PKD1: variants seen among roughly 807,000 people sequenced by gnomAD.
The protein encoded by PKD1 is polycystin-1.
PKD1 carries 81 observed loss-of-function variants against 361.7 expected under a neutral mutation model. The ratio of observed to expected loss-of-function variants is 0.22; its 90% CI spans 0.19 to 0.27. The LOEUF is 0.27. PKD1 is among the 10% of genes least tolerant of loss of function. The pLI is 1.00. For missense variants in PKD1, 6,399 were observed against 6,118.3 expected (o/e 1.05, Z -1.53); for synonymous variants, 3,615 against 2,818.3 (o/e 1.28, Z -8.95).
chr16:2,091,161 A>T lies in PKD1; in HGVS notation c.11726T>A (p.Leu3909Gln). Reference sequence around the variant, plus strand: ...GGCCACGGCGAAGTGCACGGCGAACAGCAGCAGGCACACCTGTGGGGGGCG... The same window carrying T: ...GGCCACGGCGAAGTGCACGGCGAACTGCAGCAGGCACACCTGTGGGGGGCG... ...LPLLTSVCLL[L>Q]FAVHFAVAEA... The change falls in exon 43 of 46, where the codon CTG (leucine) becomes CAG (glutamine). Residue 3909 changes from leucine (L) to glutamine (Q), a missense_variant. Physicochemically the swap from Leu to Gln is moderately radical, Grantham distance 113 (BLOSUM62 -2). Transcript: ENST00000262304. 1 of 1,460,248 alleles carries T rather than the reference A, an allele frequency of 6.8e-7. No homozygotes were observed. The highest frequency in any genetic ancestry group is 9.0e-7 in the Non-Finnish European group (1 of 1,113,968). The allele number at this position is 1,460,248 out of a possible 1,614,324, so 90.5% of individuals were successfully genotyped here.
At position 2,105,892 on chromosome 16, in the gene PKD1, C is replaced by T. The variant is rs1305479921; in HGVS notation, c.7836G>A (p.Ser2612=). The part of the protein sequence containing the change: ...QADPQHVIEY[S]LALVTVLNEY... ...CGTTCAGCACGGTGACCAGGGCCAA[C>T]GAGTACTCGATGACGTGCTGGGGAT... The change falls in exon 20 of 46, where the codon TCG becomes TCA. Residue 2612 remains serine (S), a synonymous_variant. Transcript: ENST00000262304. 1.7e-5 allele frequency: 27 copies of T among 1,596,228 alleles called. No individual in the cohort carries two copies. The highest frequency in any genetic ancestry group is 3.3e-5 in the South Asian group (3 of 90,996).
intron 13 of PKD1, 46 bp downstream of exon 13, chr16:2,112,742 G>A (rs1224777529): frequency 1.3e-6 from 2 of 1,577,046 alleles, no homozygotes; most frequent in Non-Finnish European, 1.7e-6. Context: ...CTGGGGCTGG[G>A]ACAAGAGCCT....
rs182528637 is a variant in PKD1 at position 2,101,046 on chromosome 16, C to T, written c.9398-480G>A. Among the ~76,000 whole-genome samples the T allele has an allele frequency of 3.9e-3, 589 of 151,852 alleles. 2 individuals are homozygous for T. The highest frequency in any genetic ancestry group is 6.0e-3 in the Non-Finnish European group (411 of 67,954). On this transcript the variant is annotated intron_variant, in intron 26 of 45. Transcript: ENST00000262304. ...TGTCACCCAGGCTGGAGTGCAGTGGCGCAATCTCAGCTCACTGCAAGCTCC... is the reference window on the plus strand; with the variant it reads ...TGTCACCCAGGCTGGAGTGCAGTGGTGCAATCTCAGCTCACTGCAAGCTCC...
intron 1 of PKD1, among the ~76,000 whole-genome samples, chr16:2,128,975 T>C (rs964698995): frequency 1.3e-5 from 2 of 152,040 alleles, no homozygotes; most frequent in African/African-American, 2.4e-5. Context: ...GTGATTCTCC[T>C]GCCTCAGCCT....
chr16:2,112,611 T>C, intron 13 of PKD1, 138 bp from the exon 14 acceptor site: 1 of 981,568 alleles, frequency 1.0e-6, no homozygotes, highest in East Asian at 2.6e-5. Context: ...CCGGCTGTGC[T>C]GAGGCCTCTC....
At position 2,108,818 on chromosome 16, in the gene PKD1, G is replaced by A; in HGVS notation, c.6349C>T (p.Pro2117Ser). Residue 2117 changes from proline to serine, a missense_variant, in exon 15 of 46, where the codon CCT (proline) becomes TCT (serine). Pro to Ser is a moderately conservative substitution (Grantham distance 74). Coordinates refer to ENST00000262304, the MANE Select transcript of PKD1 (RefSeq NM_001009944.3). ...EPRAEHSYLR[P>S]GDYRVQVNAS... ...TTCACCTGCACGCGGTAGTCCCCAGGCCTCAGGTAGGAGTGCTCGGCCCTG... is the reference window on the plus strand; with the variant it reads ...TTCACCTGCACGCGGTAGTCCCCAGACCTCAGGTAGGAGTGCTCGGCCCTG... 1 of 1,569,300 alleles carries A rather than the reference G, an allele frequency of 6.4e-7. No homozygotes were observed. The highest frequency in any genetic ancestry group is 8.6e-7 in the Non-Finnish European group (1 of 1,158,418).
At position 2,114,499 on chromosome 16, in the gene PKD1, C is replaced by T. The variant is rs542875543; in HGVS notation, c.2524G>A (p.Gly842Ser). Residue 842 changes from glycine to serine, a missense_variant, in exon 11 of 46, where the codon GGC (glycine) becomes AGC (serine). By Grantham distance (56) the Gly-to-Ser change is moderately conservative. Coordinates refer to ENST00000262304, the MANE Select transcript of PKD1 (RefSeq NM_001009944.3). ...TCCACCTGGAGCACCAAGGCTGAGCCGTTGGTGGGCACGTAGAGGCGGCCG... is the reference window on the plus strand; with the variant it reads ...TCCACCTGGAGCACCAAGGCTGAGCTGTTGGTGGGCACGTAGAGGCGGCCG... ...RDGRLYVPTN[G>S]SALVLQVDSG... 113 of 1,596,248 alleles carry T rather than the reference C, an allele frequency of 7.1e-5. No individual in the cohort carries two copies. The Admixed American group carries it at 1.6e-3, about 23-fold the overall frequency.
intron 37 of PKD1, 41 bp from the exon 38 acceptor site, chr16:2,093,134 C>A: frequency 6.2e-7 from 1 of 1,610,054 alleles, no homozygotes; most frequent in South Asian, 1.1e-5. Context: ...TGGCCCCAGC[C>A]CACAGTGACA....
chr16:2,104,279 T>C (rs1212551480), intron 22 of PKD1, among the ~76,000 whole-genome samples: 10 of 37,540 alleles, frequency 2.7e-4, no homozygotes, highest in Non-Finnish European at 3.9e-4. Context: ...GGGGGGGAAA[T>C]GGAGAAAAGG....
At chr16:2,123,654 G>C (rs953951545) in intron 1 of PKD1, 1 of 414,014 alleles carries the variant, frequency 2.4e-6, no homozygotes, top group African/African-American at 2.0e-5. Flanking sequence ...TTCCCTGCAA[G>C]GATGGGGGAC....
rs1567211676 is a variant in PKD1, at chr16:2,114,888, C to G, written c.2135G>C (p.Gly712Ala). The G allele has an allele frequency of 6.5e-7, 1 of 1,531,680 alleles. No homozygotes were observed. The highest frequency in any genetic ancestry group is 8.7e-7 in the Non-Finnish European group (1 of 1,143,078). 94.9% of individuals were successfully genotyped at this position (1,531,680 alleles called of 1,614,324 possible). A position where few individuals can be genotyped will look rare whatever the true frequency, so the allele number is the denominator to read the frequency against. The change falls in exon 11 of 46, where the codon GGT (glycine) becomes GCT (alanine). Residue 712 changes from glycine to alanine, a missense_variant. Physicochemically the swap from Gly to Ala is moderately conservative, Grantham distance 60. Transcript: ENST00000262304. The part of the protein sequence containing the change: ...LHGQDVLMLP[G>A]DLVGLQHDAG... The stretch of plus-strand genomic sequence containing the variant: ...GTCGTGCTGCAAGCCAACGAGGTCA[C>G]CAGGGAGCATGAGGACATCCTGGCC...
intron 1 of PKD1, chr16:2,119,840 T>C (rs2092692729): frequency 1.4e-6 from 1 of 698,936 alleles, no homozygotes; most frequent in African/African-American, 1.8e-5. Context: ...TATGACTGTG[T>C]GAGAAGCAGG....
Position 2,103,303 on chromosome 16 carries a change from G to T in PKD1, c.8754C>A (p.Ala2918=). ...TATAGTTGAGCTGCAGATGCAGCCC[G>T]GCCGCAGGGTTGCTGCTGTCCAGGG... ...VVTLDSSNPA[A]GLHLQLNYTL... is the part of the protein sequence containing the mutation. The change falls in exon 23 of 46, where the codon GCC becomes GCA. Residue 2918 remains alanine (A), a synonymous_variant. Transcript: ENST00000262304. 6.2e-7 allele frequency: 1 copy of T among 1,609,042 alleles called. No homozygotes were observed. The highest frequency in any genetic ancestry group is 8.5e-7 in the Non-Finnish European group (1 of 1,179,654).
At position 2,112,865 on chromosome 16, in the gene PKD1, C is replaced by G; in HGVS notation, c.3084G>C (p.Pro1028=). ...RMQGLQVSTV[P]AVLSPNATLA... is the part of the protein sequence containing the mutation. Reference sequence around the variant, plus strand: ...GCGTGGCATTGGGGGACAGCACGGCCGGCACTGTGGAGACCTGCAGACCCT... The same window carrying G: ...GCGTGGCATTGGGGGACAGCACGGCGGGCACTGTGGAGACCTGCAGACCCT... The change falls in exon 13 of 46, where the codon CCG becomes CCC. Residue 1028 remains proline, a synonymous_variant. Coordinates refer to ENST00000262304, the MANE Select transcript of PKD1 (RefSeq NM_001009944.3). 6.2e-7 allele frequency: 1 copy of G among 1,606,450 alleles called. No individual in the cohort carries two copies. The highest frequency in any genetic ancestry group is 8.5e-7 in the Non-Finnish European group (1 of 1,179,678).
chr16:2,112,419 G>A lies in PKD1; in HGVS notation c.3216C>T (p.Asn1072=), dbSNP rs755950661. The change falls in exon 14 of 46, where the codon AAC becomes AAT. Residue 1072 remains asparagine (N), a synonymous_variant. Coordinates refer to ENST00000262304, the MANE Select transcript of PKD1 (RefSeq NM_001009944.3). ...QALHQFQPPY[N]ESFPVPDPSV... Reference sequence around the variant, plus strand: ...AGGGGTCTGGAACCGGGAAGGACTCGTTGTACGGAGGCTGGAACTGGTGGA... The same window carrying A: ...AGGGGTCTGGAACCGGGAAGGACTCATTGTACGGAGGCTGGAACTGGTGGA... 15 of 1,583,836 alleles carry A rather than the reference G, an allele frequency of 9.5e-6. No homozygotes were observed. Among genetic ancestry groups the A allele is most frequent in the Admixed American group, 1.7e-5 (1 of 59,222 alleles).
At chr16:2,126,184 G>A (rs1013549794) in intron 1 of PKD1, among the ~76,000 whole-genome samples, 9 of 152,242 alleles carry the variant, frequency 5.9e-5, no homozygotes, top group Admixed American at 1.3e-4. Flanking sequence ...CACAGTGGAC[G>A]GGCTCAGAAC....
chr16:2,132,182 G>A (rs1270566160), intron 1 of PKD1, among the ~76,000 whole-genome samples: 6 of 151,758 alleles, frequency 4.0e-5, no homozygotes, highest in Non-Finnish European at 7.4e-5. Flanking sequence ...CCCGGGAGGC[G>A]GAGGTTGCCG....
At position 2,091,021 on chromosome 16, in the gene PKD1, G is replaced by A. The variant is rs1180666641; in HGVS notation, c.11866C>T (p.Leu3956=). The A allele has an allele frequency of 4.6e-6, 7 of 1,532,478 alleles. No individual in the cohort carries two copies. Among genetic ancestry groups the A allele is most frequent in the African/African-American group, 1.4e-5 (1 of 72,868 alleles). The allele number at this position is 1,532,478 out of a possible 1,614,324, so 94.9% of individuals were successfully genotyped here. The change falls in exon 43 of 46, where the codon CTG becomes TTG. Residue 3956 remains leucine, a synonymous_variant. Transcript: ENST00000262304. The part of the protein sequence containing the change: ...AATALVRLAQ[L]GAADRQWTRF... The stretch of plus-strand genomic sequence containing the variant: ...GTCCACTGGCGGTCAGCGGCACCCA[G>A]CTGGGCGAGGCGTACCAGTGCCGTG...
chr16:2,108,896 C>A lies in PKD1; in HGVS notation c.6271G>T (p.Ala2091Ser), dbSNP rs1449648091. Reference sequence around the variant, plus strand: ...CCATCCCCAAAGTCCCAGTGGTAGGCCACACGCCGGGGGCTGGGGCTGGTG... The same window carrying A: ...CCATCCCCAAAGTCCCAGTGGTAGGACACACGCCGGGGGCTGGGGCTGGTG... Reference protein sequence around the residue: ...AATSPSPRRVAYHWDFGDGSP... With the variant: ...AATSPSPRRVSYHWDFGDGSP... The change falls in exon 15 of 46, where the codon GCC becomes TCC. Residue 2091 changes from alanine to serine, a missense_variant. Ala to Ser is a moderately conservative substitution (Grantham distance 99, BLOSUM62 1). Coordinates refer to ENST00000262304, the MANE Select transcript of PKD1 (RefSeq NM_001009944.3). 1.1e-5 allele frequency: 18 copies of A among 1,580,966 alleles called. No individual in the cohort carries two copies. In the African/African-American group the frequency reaches 1.8e-4, roughly 15 times the overall value.
Sources: gnomAD v4.1 joint callset for allele counts (sites outside exome capture counted in the v4.1 genomes callset) on GRCh38, gnomAD v4.1.1 for gene constraint, MANE v1.5 for transcripts, NCBI Gene and HGNC (gene_info 2026-07-23, HGNC 2026-07-21) for gene names.